Variants in GPM6A observed in about 807,000 individuals in gnomAD.
GPM6A encodes neuronal membrane glycoprotein M6-a.
Under a neutral mutation model 32.1 loss-of-function variants are expected in GPM6A, and 7 were observed. That is an observed-to-expected ratio of 0.22 (90% CI 0.12 to 0.41). The LOEUF is 0.41. Ranked by LOEUF, GPM6A falls within the 10% of genes least tolerant of loss-of-function variation. The probability of loss-of-function intolerance (pLI) is 1.00; values close to 1 mark genes in which losing one functional copy is unlikely to be tolerated. For missense variants in GPM6A, 235 were observed against 347.2 expected, an observed-to-expected ratio of 0.68 and a Z score of 2.57; for synonymous variants, 130 against 123.4, an observed-to-expected ratio of 1.05 and a Z score of -0.35.
intron 6 of GPM6A, among the ~76,000 whole-genome samples, chr4:175,635,476 T>A (rs541858899): frequency 1.3e-5 from 2 of 152,254 alleles, no homozygotes; most frequent in Middle Eastern, 3.4e-3. Context: ...GAGGTTCTAT[T>A]ACCCCAATTA....
At chr4:175,794,069 T>A (rs184766798) in intron 1 of GPM6A, among the ~76,000 whole-genome samples, 1 of 152,206 alleles carries the variant, frequency 6.6e-6, no homozygotes, top group Admixed American at 6.5e-5. Context: ...ACCATTTTCC[T>A]TCTAGAGTAA....
chr4:175,825,952 G>A (rs1442171254), intron 1 of GPM6A, among the ~76,000 whole-genome samples: 1 of 152,056 alleles, frequency 6.6e-6, no homozygotes. Context: ...GTCCGAGGAG[G>A]GCAGATTGCT....
intron 1 of GPM6A, among the ~76,000 whole-genome samples, chr4:175,801,571 T>TA (rs1734472230): frequency 6.6e-6 from 1 of 152,100 alleles, no homozygotes; most frequent in African/African-American, 2.4e-5. Context: ...AGGAATTTGT[T>TA]AGAGATGGAA....
At chr4:175,929,788 A>G (rs909094119) in intron 1 of GPM6A, among the ~76,000 whole-genome samples, 51 of 152,230 alleles carry the variant, frequency 3.4e-4, no homozygotes, top group African/African-American at 1.2e-3. Context: ...TGGGAGAAGT[A>G]TATAAACTAT....
At chr4:175,643,703 A>C (rs553717634) in intron 4 of GPM6A, among the ~76,000 whole-genome samples, 12 of 152,308 alleles carry the variant, frequency 7.9e-5, no homozygotes, top group African/African-American at 2.9e-4. Flanking sequence ...GTCTTTCTAA[A>C]ATAATAATTA....
chr4:175,659,252 T>G (rs58095207), intron 3 of GPM6A, among the ~76,000 whole-genome samples: 112 of 152,114 alleles, frequency 7.4e-4, no homozygotes, highest in African/African-American at 2.4e-3. Context: ...ATGGCTAATT[T>G]TTTGTGTAGT....
At chr4:175,777,293 G>C (rs115987135) in intron 1 of GPM6A, among the ~76,000 whole-genome samples, 133 of 152,098 alleles carry the variant, frequency 8.7e-4, no homozygotes, top group African/African-American at 3.0e-3. Flanking sequence ...CTGTCTTCAT[G>C]AAAAATAGCA....
intron 1 of GPM6A, chr4:175,811,852 C>A: frequency 5.4e-6 from 1 of 186,776 alleles, no homozygotes; most frequent in Non-Finnish European, 1.1e-5. Flanking sequence ...ATTTGTGGCT[C>A]ACACTAGGGA....
intron 1 of GPM6A, chr4:175,960,785 A>T (rs544695740): frequency 6.6e-6 from 1 of 152,336 alleles, no homozygotes; most frequent in East Asian, 1.9e-4. Flanking sequence ...ACAAAATTAC[A>T]CAAGATCTCT....
intron 1 of GPM6A, among the ~76,000 whole-genome samples, chr4:175,798,292 T>C (rs1734318577): frequency 6.6e-6 from 1 of 152,186 alleles, no homozygotes; most frequent in South Asian, 2.1e-4. Flanking sequence ...TTAATAACTT[T>C]TAATGAAGCT....
chr4:175,689,710 T>G (rs867242511), intron 2 of GPM6A, among the ~76,000 whole-genome samples: 1 of 152,238 alleles, frequency 6.6e-6, no homozygotes, highest in Non-Finnish European at 1.5e-5. Context: ...TATTGAAATC[T>G]CCTACTATGA....
chr4:175,671,668 G>A (rs1264977044), intron 3 of GPM6A, among the ~76,000 whole-genome samples: 2 of 152,064 alleles, frequency 1.3e-5, no homozygotes, highest in Non-Finnish European at 1.5e-5. Context: ...GTTCTGCAGC[G>A]CTGGCTGCAG....
At chr4:175,862,786 A>G (rs940466628) in intron 1 of GPM6A, among the ~76,000 whole-genome samples, 9 of 151,730 alleles carry the variant, frequency 5.9e-5, no homozygotes, top group African/African-American at 2.2e-4. Flanking sequence ...CAATTCTGGC[A>G]GGTATATCCA....
intron 1 of GPM6A, among the ~76,000 whole-genome samples, chr4:175,706,271 T>C (rs1390157946): frequency 6.6e-6 from 1 of 152,178 alleles, no homozygotes; most frequent in Non-Finnish European, 1.5e-5. Flanking sequence ...TAAAAAAAGA[T>C]ACTGACATTT....
chr4:175,986,302 A>G (rs1283542012), intron 1 of GPM6A, among the ~76,000 whole-genome samples: 1 of 152,208 alleles, frequency 6.6e-6, no homozygotes, highest in Admixed American at 6.5e-5. Context: ...TGGGAGGTCA[A>G]GATGAGAGAA....
chr4:175,710,004 G>C (rs542675565), intron 1 of GPM6A, among the ~76,000 whole-genome samples: 11 of 152,008 alleles, frequency 7.2e-5, no homozygotes, highest in African/African-American at 2.7e-4. Flanking sequence ...AGAGTCACTT[G>C]CCTCCCCTTC....
At chr4:175,905,694 G>A (rs1738108331) in intron 1 of GPM6A, among the ~76,000 whole-genome samples, 1 of 151,880 alleles carries the variant, frequency 6.6e-6, no homozygotes, top group Non-Finnish European at 1.5e-5. Context: ...TATATTTTGG[G>A]GTGGCATACT....
At chr4:175,772,546 ACCTT>A (rs1733233176) in intron 1 of GPM6A, among the ~76,000 whole-genome samples, 1 of 152,086 alleles carries the variant, frequency 6.6e-6, no homozygotes, top group African/African-American at 2.4e-5. Flanking sequence ...AGACTGGGAA[ACCTT>A]CCTTCCTGTC....
chr4:175,992,861 C>T (rs1010994816), intron 1 of GPM6A, among the ~76,000 whole-genome samples: 4 of 152,142 alleles, frequency 2.6e-5, no homozygotes, highest in African/African-American at 9.6e-5. Flanking sequence ...AGTCAAGAAG[C>T]ATATCTTATC....
Sources: allele counts gnomAD v4.1 joint callset (sites outside exome capture counted in the v4.1 genomes callset), GRCh38; gene constraint gnomAD v4.1.1; transcripts MANE v1.5; gene names NCBI Gene and HGNC (gene_info 2026-07-23, HGNC 2026-07-21).